Variants in FHL5 observed in about 807,000 individuals in gnomAD.
FHL5 encodes four and a half LIM domains protein 5.
FHL5 carries 33 observed loss-of-function variants against 32.0 expected under a neutral mutation model. That is an observed-to-expected ratio of 1.03 (90% CI 0.78 to 1.38). The LOEUF is 1.38. Among genes scored for constraint, FHL5 ranks in the 40% most tolerant of loss-of-function variants. The probability of loss-of-function intolerance (pLI) is 0.00; values close to 1 mark genes in which losing one functional copy is unlikely to be tolerated. For synonymous variants in FHL5, 114 were observed against 113.6 expected (o/e 1.00, Z -0.02); for missense variants, 336 against 343.9 (o/e 0.98, Z 0.18).
At chr6:96,607,747 C>T (rs1771315056) in intron 4 of FHL5, among the ~76,000 whole-genome samples, 1 of 151,848 alleles carries the variant, frequency 6.6e-6, no homozygotes, top group South Asian at 2.1e-4. Flanking sequence ...CTTTGGAAAG[C>T]CAAGGTGGGA....
At chr6:96,588,849 T>G (rs2127966094) in intron 1 of FHL5, among the ~76,000 whole-genome samples, 1 of 151,170 alleles carries the variant, frequency 6.6e-6, no homozygotes, top group East Asian at 1.9e-4. Flanking sequence ...CTTTTCATTC[T>G]TTAAATAGTG....
Position 96,616,860 on chromosome 6 carries a change from C to A in FHL5, c.*1088C>A, listed in dbSNP as rs373438883. Among the ~76,000 whole-genome samples, 2 of 152,272 alleles carry A rather than the reference C, an allele frequency of 1.3e-5. No homozygotes were observed. The highest frequency in any genetic ancestry group is 4.2e-4 in the South Asian group (2 of 4,816). On this transcript the variant is annotated 3_prime_UTR_variant, in exon 6 of 6. Coordinates refer to ENST00000450218, the MANE Select transcript of FHL5 (RefSeq NM_001322466.2). ...TAATTCACTGCTGATAATTCAGAACCTGCAAAGCAGCACAATAGAGTAATG... is the reference window on the plus strand; with the variant it reads ...TAATTCACTGCTGATAATTCAGAACATGCAAAGCAGCACAATAGAGTAATG...
intron 4 of FHL5, among the ~76,000 whole-genome samples, chr6:96,608,886 T>C (rs1771340114): frequency 6.6e-6 from 1 of 152,210 alleles, no homozygotes; most frequent in Non-Finnish European, 1.5e-5. Context: ...GTCTTTGGTG[T>C]ATATATCAAG....
At chr6:96,572,198 T>C (rs1428555252) in intron 1 of FHL5, among the ~76,000 whole-genome samples, 1 of 152,164 alleles carries the variant, frequency 6.6e-6, no homozygotes, top group African/African-American at 2.4e-5. Flanking sequence ...GCACAAGCAC[T>C]GTTTTCTTGG....
rs147993550 is a variant in FHL5 at position 96,571,912 on chromosome 6, C to T, written c.-13+8557C>T. On this transcript the variant is annotated intron_variant, in intron 1 of 5. Coordinates refer to ENST00000450218, the MANE Select transcript of FHL5 (RefSeq NM_001322466.2). The stretch of plus-strand genomic sequence containing the variant: ...GGGCCAAGTGTATTTGCTTTCAGTA[C>T]TCCAGAATGGTGGAGGACAGCTGTT... 4.6e-5 allele frequency among the ~76,000 whole-genome samples: 7 copies of T among 152,192 alleles called. No individual in the cohort carries two copies. The East Asian group carries it at 1.2e-3, about 25-fold the overall frequency.
At chr6:96,597,485 A>T (rs1432839321) in intron 1 of FHL5, among the ~76,000 whole-genome samples, 4 of 152,006 alleles carry the variant, frequency 2.6e-5, no homozygotes, top group Non-Finnish European at 5.9e-5. Flanking sequence ...CCCTTCTATC[A>T]CTGTTTCTAA....
intron 1 of FHL5, among the ~76,000 whole-genome samples, chr6:96,579,849 A>C (rs1385084558): frequency 6.6e-6 from 1 of 152,178 alleles, no homozygotes; most frequent in African/African-American, 2.4e-5. Context: ...CAGGTCTGTA[A>C]AAGGACAGAT....
chr6:96,570,053 A>G (rs943196547), intron 1 of FHL5, among the ~76,000 whole-genome samples: 2 of 151,526 alleles, frequency 1.3e-5, no homozygotes, highest in Admixed American at 1.3e-4. Flanking sequence ...CTTTCTCCTC[A>G]TATATCTGCT....
At chr6:96,567,200 G>A (rs1007099184) in intron 1 of FHL5, among the ~76,000 whole-genome samples, 1 of 151,790 alleles carries the variant, frequency 6.6e-6, no homozygotes, top group African/African-American at 2.4e-5. Flanking sequence ...TCATTTTTCT[G>A]CATATGAATA....
rs564017598 is a variant in FHL5, at chr6:96,568,007, A to T, written c.-13+4652A>T. Among the ~76,000 whole-genome samples the T allele has an allele frequency of 2.6e-5, 4 of 151,750 alleles. No individual in the cohort carries two copies. The East Asian group carries it at 7.8e-4, about 29-fold the overall frequency. On this transcript the variant is annotated intron_variant, in intron 1 of 5. Transcript: ENST00000450218. ...TTTCTCTAGCCTAAGTGCTCTGCCT[A>T]GGGCTTCCAGTACTCTTTTGAATAA...
At chr6:96,566,209 ATTGACTTT>A in intron 1 of FHL5, among the ~76,000 whole-genome samples, 1 of 151,766 alleles carries the variant, frequency 6.6e-6, no homozygotes, top group East Asian at 1.9e-4. Flanking sequence ...CTTCTATGAG[ATTGACTTT>A]TTTAGCTTCT....
chr6:96,568,477 T>C (rs1013236531), intron 1 of FHL5, among the ~76,000 whole-genome samples: 4 of 151,926 alleles, frequency 2.6e-5, no homozygotes, highest in African/African-American at 9.7e-5. Context: ...ACTGGCCTCA[T>C]AGAATGAGTT....
At chr6:96,591,365 A>G (rs533050604) in intron 1 of FHL5, among the ~76,000 whole-genome samples, 1 of 152,312 alleles carries the variant, frequency 6.6e-6, no homozygotes, top group South Asian at 2.1e-4. Context: ...GTTGTTGTAC[A>G]TAGTCAGATT....
At chr6:96,594,375 C>G (rs1347445831) in intron 1 of FHL5, among the ~76,000 whole-genome samples, 1 of 150,814 alleles carries the variant, frequency 6.6e-6, no homozygotes, top group East Asian at 1.9e-4. Flanking sequence ...TTGTTTTACC[C>G]CCAGAGGATG....
intron 1 of FHL5, among the ~76,000 whole-genome samples, chr6:96,601,426 G>A (rs773966737): frequency 4.6e-5 from 7 of 152,214 alleles, no homozygotes; most frequent in Non-Finnish European, 7.3e-5. Context: ...TAGGACTGGG[G>A]TGGGAGAAGG....
chr6:96,569,509 T>C (rs1414957700), intron 1 of FHL5, among the ~76,000 whole-genome samples: 2 of 152,094 alleles, frequency 1.3e-5, no homozygotes, highest in Non-Finnish European at 1.5e-5. Flanking sequence ...GAATGATCTG[T>C]CCAATGCTGA....
At chr6:96,568,180 A>C (rs1481995471) in intron 1 of FHL5, among the ~76,000 whole-genome samples, 3 of 151,900 alleles carry the variant, frequency 2.0e-5, no homozygotes, top group Non-Finnish European at 2.9e-5. Flanking sequence ...AATTTTTATC[A>C]TGAGGGGATG....
At chr6:96,592,882 A>C (rs1770951691) in intron 1 of FHL5, among the ~76,000 whole-genome samples, 1 of 152,084 alleles carries the variant, frequency 6.6e-6, no homozygotes, top group Admixed American at 6.6e-5. Flanking sequence ...TGTGTTTTTC[A>C]GGTCAGTTGA....
At chr6:96,571,185 G>T (rs920603172) in intron 1 of FHL5, among the ~76,000 whole-genome samples, 1 of 152,136 alleles carries the variant, frequency 6.6e-6, no homozygotes, top group Non-Finnish European at 1.5e-5. Context: ...GTTTTACTGT[G>T]CAGTTAGAAA....
Sources: gnomAD v4.1 joint callset for allele counts (sites outside exome capture counted in the v4.1 genomes callset) on GRCh38, gnomAD v4.1.1 for gene constraint, MANE v1.5 for transcripts, NCBI Gene and HGNC (gene_info 2026-07-23, HGNC 2026-07-21) for gene names.